The following KCNK13 variants were observed in gnomAD, a reference collection of about 807,000 sequenced individuals.
KCNK13 encodes the protein potassium channel subfamily K member 13.
KCNK13 carries 12 observed loss-of-function variants against 23.4 expected under a neutral mutation model. The observed-to-expected ratio is 0.51, with a 90% CI of 0.33 to 0.83. The LOEUF (loss-of-function observed/expected upper bound fraction) is 0.83. Among genes scored for constraint, KCNK13 ranks in the 40% least tolerant of loss-of-function variants. The pLI is 0.02. For missense variants in KCNK13, 463 were observed against 556.3 expected, an observed-to-expected ratio of 0.83 and a Z score of 1.69; for synonymous variants, 231 against 229.5, an observed-to-expected ratio of 1.01 and a Z score of -0.06.
At position 90,150,253 on chromosome 14, in the gene KCNK13, G is replaced by A. The variant is rs12894287; in HGVS notation, c.335-33858G>A. 8.3e-3 allele frequency among the ~76,000 whole-genome samples: 1,257 copies of A among 152,018 alleles called. 10 individuals carry two copies. The highest frequency in any genetic ancestry group is 0.014 in the Non-Finnish European group (948 of 67,972). Reference sequence around the variant, plus strand: ...TTGTTTGGGGATGATAGTTAAGTACGGCTGGTTTTGAACCTGGGAAGTCTG... The same window carrying A: ...TTGTTTGGGGATGATAGTTAAGTACAGCTGGTTTTGAACCTGGGAAGTCTG... On this transcript the variant is annotated intron_variant, in intron 1 of 1. Transcript: ENST00000282146.
chr14:90,084,945 T>C (rs1889254671), intron 1 of KCNK13, among the ~76,000 whole-genome samples: 1 of 152,120 alleles, frequency 6.6e-6, no homozygotes, highest in Non-Finnish European at 1.5e-5. Context: ...TTATTATTCA[T>C]TTATTTATTT....
At chr14:90,146,724 C>A (rs1263209710) in intron 1 of KCNK13, among the ~76,000 whole-genome samples, 1 of 151,600 alleles carries the variant, frequency 6.6e-6, no homozygotes, top group Non-Finnish European at 1.5e-5. Flanking sequence ...TTTTTCCAAT[C>A]TGACAATCAG....
chr14:90,128,932 C>T (rs899148384), intron 1 of KCNK13, among the ~76,000 whole-genome samples: 2 of 152,204 alleles, frequency 1.3e-5, no homozygotes, highest in Non-Finnish European at 2.9e-5. Flanking sequence ...ATTATCAGTA[C>T]TATCCTATCC....
chr14:90,144,195 T>A (rs1048610834), intron 1 of KCNK13, among the ~76,000 whole-genome samples: 2 of 152,218 alleles, frequency 1.3e-5, no homozygotes, highest in South Asian at 4.1e-4. Flanking sequence ...ATGGCATATC[T>A]CTCTACTTAT....
At chr14:90,092,076 C>T (rs145552909) in intron 1 of KCNK13, among the ~76,000 whole-genome samples, 3,210 of 152,000 alleles carry the variant, frequency 0.021, 36 homozygotes, top group Middle Eastern at 0.041. Context: ...TGCCCGCCAC[C>T]ACACCTGGCT....
At chr14:90,121,151 T>A (rs1889735050) in intron 1 of KCNK13, among the ~76,000 whole-genome samples, 1 of 152,352 alleles carries the variant, frequency 6.6e-6, no homozygotes, top group South Asian at 2.1e-4. Context: ...TCTGGCTCAC[T>A]ACTGAGGTAG....
At chr14:90,088,634 C>A (rs1338291604) in intron 1 of KCNK13, among the ~76,000 whole-genome samples, 1 of 152,196 alleles carries the variant, frequency 6.6e-6, no homozygotes, top group African/African-American at 2.4e-5. Flanking sequence ...CTGGCAATGT[C>A]AGGCCCACAT....
At chr14:90,103,047 C>A in intron 1 of KCNK13, among the ~76,000 whole-genome samples, 1 of 152,276 alleles carries the variant, frequency 6.6e-6, no homozygotes, top group Admixed American at 6.5e-5. Flanking sequence ...CTTTCTGTTC[C>A]TGTGTTATAC....
chr14:90,113,660 C>T (rs551789190), intron 1 of KCNK13, among the ~76,000 whole-genome samples: 9 of 152,134 alleles, frequency 5.9e-5, no homozygotes, highest in African/African-American at 1.9e-4. Flanking sequence ...AGGCCGGGCA[C>T]GGTGGCTCAT....
intron 1 of KCNK13, among the ~76,000 whole-genome samples, chr14:90,127,575 G>T (rs1439598129): frequency 6.6e-6 from 1 of 150,552 alleles, no homozygotes. Context: ...CACTTTGGGA[G>T]GCTGAGGCAG....
chr14:90,185,080 G>A lies in KCNK13; in HGVS notation c.*77G>A. 1 of 1,307,236 alleles carries A rather than the reference G, an allele frequency of 7.6e-7. No individual in the cohort carries two copies. The highest frequency in any genetic ancestry group is 1.0e-6 in the Non-Finnish European group (1 of 978,818). The allele number at this position is 1,307,236 out of a possible 1,614,324, so 81.0% of individuals were successfully genotyped here. A position where few individuals can be genotyped will look rare whatever the true frequency, so the allele number is the denominator to read the frequency against. Reference sequence around the variant, plus strand: ...CCGCCCAGGGGACGAGCTCAGCCCTGCGCCTTGGCTCTGTTCCTTCTGGGA... The same window carrying A: ...CCGCCCAGGGGACGAGCTCAGCCCTACGCCTTGGCTCTGTTCCTTCTGGGA... On this transcript the variant is annotated 3_prime_UTR_variant, in exon 2 of 2. Transcript: ENST00000282146.
chr14:90,174,835 C>T (rs2140445774), intron 1 of KCNK13, among the ~76,000 whole-genome samples: 1 of 151,898 alleles, frequency 6.6e-6, no homozygotes, highest in South Asian at 2.1e-4. Context: ...GCCTGGGTGA[C>T]AGAGCAAGAC....
At chr14:90,104,233 G>A (rs1287964714) in intron 1 of KCNK13, among the ~76,000 whole-genome samples, 1 of 152,166 alleles carries the variant, frequency 6.6e-6, no homozygotes, top group African/African-American at 2.4e-5. Flanking sequence ...AGCCTGGCAT[G>A]TCCCTGAGTG....
chr14:90,095,792 C>T (rs551828060), intron 1 of KCNK13, among the ~76,000 whole-genome samples: 1 of 152,252 alleles, frequency 6.6e-6, no homozygotes, highest in South Asian at 2.1e-4. Context: ...ATCTGGAGAT[C>T]GAGTCAGATC....
chr14:90,139,823 G>A (rs747852289), intron 1 of KCNK13, among the ~76,000 whole-genome samples: 10 of 152,092 alleles, frequency 6.6e-5, no homozygotes, highest in Non-Finnish European at 1.5e-4. Flanking sequence ...TTAGCCGGGC[G>A]TCATGGCACA....
chr14:90,077,110 C>A (rs1889146961), intron 1 of KCNK13, among the ~76,000 whole-genome samples: 1 of 142,342 alleles, frequency 7.0e-6, no homozygotes, highest in Non-Finnish European at 1.5e-5. Context: ...TGAGCCACCG[C>A]ACCTGGCTTT....
At chr14:90,099,986 A>T (rs1166316965) in intron 1 of KCNK13, among the ~76,000 whole-genome samples, 1 of 152,008 alleles carries the variant, frequency 6.6e-6, no homozygotes, top group Non-Finnish European at 1.5e-5. Flanking sequence ...GCAGCTCTGG[A>T]CTCTTCTGAA....
intron 1 of KCNK13, among the ~76,000 whole-genome samples, chr14:90,176,622 G>A (rs549663255): frequency 7.2e-5 from 11 of 152,284 alleles, no homozygotes; most frequent in East Asian, 1.9e-4. Flanking sequence ...TTGGTTCCTC[G>A]GAGTATTGAG....
intron 1 of KCNK13, among the ~76,000 whole-genome samples, chr14:90,072,532 TG>T (rs1889088270): frequency 6.6e-6 from 1 of 152,174 alleles, no homozygotes; most frequent in Non-Finnish European, 1.5e-5. Context: ...TCCTTATCTT[TG>T]GGAGGGAGGA....
Sources: allele counts gnomAD v4.1 joint callset (sites outside exome capture counted in the v4.1 genomes callset), GRCh38; gene constraint gnomAD v4.1.1; transcripts MANE v1.5; gene names NCBI Gene and HGNC (gene_info 2026-07-23, HGNC 2026-07-21).